Variants in KIDINS220 observed in about 807,000 individuals in gnomAD.
KIDINS220 encodes kinase D interacting substrate 220.
KIDINS220 carries 63 observed loss-of-function variants against 157.6 expected under a neutral mutation model. The observed-to-expected ratio is 0.40, with a 90% CI of 0.33 to 0.49. The LOEUF is 0.49. Among genes scored for constraint, KIDINS220 ranks in the 20% least tolerant of loss-of-function variants. The pLI is 0.66. For missense variants in KIDINS220, 1,772 were observed against 2,171.2 expected (o/e 0.82, Z 3.65); for synonymous variants, 732 against 783.6 (o/e 0.93, Z 1.10).
intron 29 of KIDINS220, among the ~76,000 whole-genome samples, chr2:8,732,700 G>T (rs1664295183): frequency 6.6e-6 from 1 of 152,150 alleles, no homozygotes; most frequent in African/African-American, 2.4e-5. Flanking sequence ...AAGTGAATTT[G>T]TTGGGGACCT....
intron 1 of KIDINS220, among the ~76,000 whole-genome samples, chr2:8,827,830 C>T (rs1480794589): frequency 1.3e-5 from 2 of 152,142 alleles, no homozygotes; most frequent in East Asian, 3.8e-4. Flanking sequence ...AATTACATTA[C>T]TTTTTTTAAA....
chr2:8,791,117 C>T lies in KIDINS220; in HGVS notation c.1384G>A (p.Val462Met), dbSNP rs1025969135. 15 of 1,614,040 alleles carry T rather than the reference C, an allele frequency of 9.3e-6. No homozygotes were observed. Among genetic ancestry groups the T allele is most frequent in the Middle Eastern group, 1.6e-4 (1 of 6,084 alleles). Reference sequence around the variant, plus strand: ...CTTCCCCACTGTGCATATAACCCCACACAAATGGGTGGCTGCATGGTAGGC... The same window carrying T: ...CTTCCCCACTGTGCATATAACCCCATACAAATGGGTGGCTGCATGGTAGGC... ...SEPTMQPPIC[V>M]GLYAQWGSGK... Residue 462 changes from valine (V) to methionine (M), a missense_variant, in exon 13 of 30, where the codon GTG (valine) becomes ATG (methionine). By Grantham distance (21) the Val-to-Met change is conservative (BLOSUM62 1). Around this residue, in one of 3 missense-constraint regions of KIDINS220, gnomAD observed 725 missense variants for 1,017.1 expected, o/e 0.71. Transcript: ENST00000256707.
intron 25 of KIDINS220, chr2:8,747,585 G>T: frequency 3.2e-6 from 1 of 311,160 alleles, no homozygotes. Context: ...GAAGATATTA[G>T]AAATTACCAA....
intron 21 of KIDINS220, among the ~76,000 whole-genome samples, chr2:8,775,216 T>C (rs758125138): frequency 1.7e-4 from 26 of 152,202 alleles, no homozygotes; most frequent in South Asian, 2.1e-4. Context: ...GTGTCAGATA[T>C]ATATTGACAC....
chr2:8,738,243 A>C (rs934850139), intron 26 of KIDINS220, among the ~76,000 whole-genome samples: 3 of 152,250 alleles, frequency 2.0e-5, no homozygotes, highest in Non-Finnish European at 2.9e-5. Context: ...ACAGAATTCC[A>C]ATTAATAAAT....
chr2:8,822,504 T>C (rs991831759), intron 2 of KIDINS220, among the ~76,000 whole-genome samples: 5 of 152,152 alleles, frequency 3.3e-5, no homozygotes, highest in African/African-American at 1.2e-4. Flanking sequence ...AGCACACGCC[T>C]GTAGTCCTAG....
Position 8,825,325 on chromosome 2 carries a change from A to T in KIDINS220, c.108+1661T>A, listed in dbSNP as rs1678587319. On this transcript the variant is annotated intron_variant, in intron 2 of 29. Coordinates refer to ENST00000256707, the MANE Select transcript of KIDINS220 (RefSeq NM_020738.4). Reference sequence around the variant, plus strand: ...GGGGCGGAGGTTGCAGTGAGCCGAGATCACACCACTTCACACCAACCTGGG... The same window carrying T: ...GGGGCGGAGGTTGCAGTGAGCCGAGTTCACACCACTTCACACCAACCTGGG... Among the ~76,000 whole-genome samples, 4 of 143,126 alleles carry T rather than the reference A, an allele frequency of 2.8e-5. No individual in the cohort carries two copies. In the Admixed American group the frequency reaches 3.0e-4, roughly 11 times the overall value. The allele number at this position is 143,126 out of a possible 152,430, so 93.9% of individuals were successfully genotyped here. A position where few individuals can be genotyped will look rare whatever the true frequency, so the allele number is the denominator to read the frequency against.
intron 26 of KIDINS220, among the ~76,000 whole-genome samples, chr2:8,738,723 A>C (rs1355598640): frequency 6.6e-6 from 1 of 152,248 alleles, no homozygotes; most frequent in Non-Finnish European, 1.5e-5. Context: ...ATTAAAACAG[A>C]CTAAGGAGAA....
At position 8,788,695 on chromosome 2, in the gene KIDINS220, A is replaced by C; in HGVS notation, c.1739T>G (p.Val580Gly). The stretch of plus-strand genomic sequence containing the variant: ...CTGCTCTGGCAACTCAGGTGGATTC[A>C]CAAACATCAATTTAAGGAGGAGTTC... ...YLELLLKLMF[V>G]NPPELPEQTT... The change falls in exon 15 of 30, where the codon GTG becomes GGG. Residue 580 changes from valine to glycine, a missense_variant. Physicochemically the swap from Val to Gly is moderately radical, Grantham distance 109 (BLOSUM62 -3). Coordinates refer to ENST00000256707, the MANE Select transcript of KIDINS220 (RefSeq NM_020738.4). 2 of 1,614,200 alleles carry C rather than the reference A, an allele frequency of 1.2e-6. No individual in the cohort carries two copies. Among genetic ancestry groups the C allele is most frequent in the Non-Finnish European group, 1.7e-6 (2 of 1,179,990 alleles).
chr2:8,799,004 A>C (rs1407114432), intron 9 of KIDINS220, among the ~76,000 whole-genome samples: 4 of 152,106 alleles, frequency 2.6e-5, no homozygotes, highest in African/African-American at 9.7e-5. Flanking sequence ...CAGCCACATT[A>C]AGTTCCTAAT....
chr2:8,751,774 C>T (rs986868940), intron 22 of KIDINS220, 130 bp from the exon 23 acceptor site: 9 of 641,132 alleles, frequency 1.4e-5, no homozygotes, highest in East Asian at 5.7e-5. Context: ...AATTACACAT[C>T]GGCTCACTGC....
At chr2:8,773,230 T>C (rs539590116) in intron 21 of KIDINS220, among the ~76,000 whole-genome samples, 2 of 152,356 alleles carry the variant, frequency 1.3e-5, no homozygotes, top group African/African-American at 4.8e-5. Flanking sequence ...AAGTCTACTG[T>C]ATAGTCAGAA....
Position 8,785,734 on chromosome 2 carries a change from T to C in KIDINS220, c.2229+7A>G. The C allele has an allele frequency of 6.2e-7, 1 of 1,602,316 alleles. No homozygotes were observed. On this transcript the variant is annotated splice_region_variant and intron_variant, in intron 17 of 29. Coordinates refer to ENST00000256707, the MANE Select transcript of KIDINS220 (RefSeq NM_020738.4). ...ACAATTTTTTCTAATAACCAATGAG[T>C]GCTTACTTTCATGAATCCTTCACTT...
intron 22 of KIDINS220, among the ~76,000 whole-genome samples, chr2:8,766,244 G>A (rs1401125684): frequency 2.0e-5 from 3 of 152,120 alleles, no homozygotes; most frequent in Admixed American, 2.0e-4. Flanking sequence ...CCTTGTTGCT[G>A]TTCCTTCAAC....
chr2:8,831,001 T>G lies in KIDINS220; in HGVS notation c.-36-3872A>C, dbSNP rs1348568693. ...AGGCTAGCAACTTTTGCCTCCTCTC[T>G]CCAGGCCTGCCACCTGCAATCCATT... On this transcript the variant is annotated intron_variant, in intron 1 of 29. Transcript: ENST00000256707. 2.6e-5 allele frequency among the ~76,000 whole-genome samples: 4 copies of G among 152,296 alleles called. No individual in the cohort carries two copies. In the East Asian group the frequency reaches 7.7e-4, roughly 29 times the overall value.
intron 26 of KIDINS220, among the ~76,000 whole-genome samples, chr2:8,744,363 CAAAAAAAAAAAAAAAA>C (rs547083543): frequency 3.2e-4 from 3 of 9,342 alleles, no homozygotes; most frequent in African/African-American, 1.6e-3. Context: ...TTCCTCATGG[CAAAAAAAAAAAAAAAA>C]AAAAAAAAAA....
intron 22 of KIDINS220, among the ~76,000 whole-genome samples, chr2:8,765,800 C>T (rs948045294): frequency 3.3e-5 from 5 of 152,148 alleles, no homozygotes; most frequent in African/African-American, 1.2e-4. Context: ...AACTCCCAGG[C>T]TCAAGTGATC....
intron 22 of KIDINS220, among the ~76,000 whole-genome samples, chr2:8,762,791 T>C (rs1398361656): frequency 6.6e-6 from 1 of 151,738 alleles, no homozygotes; most frequent in Non-Finnish European, 1.5e-5. Flanking sequence ...AAAAGTTACC[T>C]AAAAAAAATT....
chr2:8,784,996 G>A (rs1672200716), intron 17 of KIDINS220, among the ~76,000 whole-genome samples: 1 of 152,210 alleles, frequency 6.6e-6, no homozygotes, highest in Non-Finnish European at 1.5e-5. Context: ...AAACTTGGAA[G>A]CAATAAAGAT....
Sources: gnomAD v4.1 joint callset for allele counts (sites outside exome capture counted in the v4.1 genomes callset) on GRCh38, gnomAD v4.1.1 for gene constraint, gnomAD v4.1.1 regional missense constraint, MANE v1.5 for transcripts, NCBI Gene and HGNC (gene_info 2026-07-23, HGNC 2026-07-21) for gene names.